The following TRMT11 variants were observed in gnomAD, a reference collection of about 807,000 sequenced individuals.
TRMT11 encodes tRNA (guanine(10)-N(2))-methyltransferase TRMT11.
A neutral mutation model predicts 62.8 loss-of-function variants in TRMT11; 53 were observed. The observed-to-expected ratio is 0.84, with a 90% CI of 0.68 to 1.06. TRMT11 has a LOEUF of 1.06. TRMT11 is among the 50% of genes least tolerant of loss of function. The pLI, the probability that TRMT11 is intolerant of heterozygous loss-of-function variation, is 0.00. For synonymous variants in TRMT11, 188 were observed against 190.3 expected (o/e 0.99, Z 0.10); for missense variants, 556 against 553.4 (o/e 1.00, Z -0.05).
chr6:126,258,362 C>T, the TRMT11 span: 18 of 370,690 alleles, frequency 4.9e-5, no homozygotes, highest in African/African-American at 2.3e-4. Flanking sequence ...GGGCCATGTA[C>T]GTGCATCAGT....
rs1339659650 is a variant in TRMT11, at chr6:126,012,859, G to A, written c.1007+7G>A. 1.2e-6 allele frequency: 2 copies of A among 1,612,700 alleles called. No homozygotes were observed. Among genetic ancestry groups the A allele is most frequent in the South Asian group, 1.1e-5 (1 of 91,032 alleles). On this transcript the variant is annotated splice_region_variant and intron_variant, in intron 10 of 12. Coordinates refer to ENST00000334379, the MANE Select transcript of TRMT11 (RefSeq NM_001031712.3). ...TAGAAAAATGGGAAAAATGGTAAGT[G>A]AAATTTAAATATGATGTGTTACTAC...
chr6:126,051,085 A>G (rs1776204971), intron 16 of TRMT11, among the ~76,000 whole-genome samples: 1 of 152,176 alleles, frequency 6.6e-6, no homozygotes, highest in African/African-American at 2.4e-5. Flanking sequence ...TGTTTCCTGA[A>G]TTGCCTTTTG....
At chr6:126,228,783 T>C in the TRMT11 span, among the ~76,000 whole-genome samples, 2 of 152,166 alleles carry the variant, frequency 1.3e-5, no homozygotes, top group Non-Finnish European at 2.9e-5. Context: ...AAGCAAACTC[T>C]CAGAGCTCCA....
chr6:126,094,134 C>T (rs964237713), intron 17 of TRMT11, among the ~76,000 whole-genome samples: 1 of 151,968 alleles, frequency 6.6e-6, no homozygotes, highest in Non-Finnish European at 1.5e-5. Flanking sequence ...TTAGACCCAT[C>T]TTATTGCTGT....
chr6:126,008,342 A>G lies in TRMT11; in HGVS notation c.680-50A>G, dbSNP rs375039354. ...TGGATGAAGTTAAATAGGAACAAAC[A>G]GGAGTTTGGGACTTACTGGTTAACA... On this transcript the variant is annotated intron_variant, in intron 7 of 12. Coordinates refer to ENST00000334379, the MANE Select transcript of TRMT11 (RefSeq NM_001031712.3). 2.6e-5 allele frequency: 38 copies of G among 1,459,346 alleles called. No individual in the cohort carries two copies. In the African/African-American group the frequency reaches 4.9e-4, roughly 19 times the overall value. 90.4% of individuals were successfully genotyped at this position (1,459,346 alleles called of 1,614,324 possible).
intron 17 of TRMT11, among the ~76,000 whole-genome samples, chr6:126,097,733 G>A (rs1268021395): frequency 6.6e-6 from 1 of 151,776 alleles, no homozygotes. Flanking sequence ...AGATTTAGTT[G>A]GCTAATGAAG....
chr6:126,068,480 G>A (rs1189464641), intron 17 of TRMT11, among the ~76,000 whole-genome samples: 5 of 152,152 alleles, frequency 3.3e-5, no homozygotes, highest in Non-Finnish European at 5.9e-5. Flanking sequence ...GTGTGAGTTA[G>A]GGATGTCAAC....
intron 17 of TRMT11, among the ~76,000 whole-genome samples, chr6:126,075,985 T>C (rs1334536031): frequency 1.3e-5 from 2 of 152,102 alleles, no homozygotes; most frequent in African/African-American, 4.8e-5. Context: ...GGCTGGGAAA[T>C]GTATTTTATG....
intron 21 of TRMT11, among the ~76,000 whole-genome samples, chr6:126,127,880 T>G (rs1777736932): frequency 6.6e-6 from 1 of 152,030 alleles, no homozygotes; most frequent in South Asian, 2.1e-4. Context: ...AGGGATTGAC[T>G]CATTGACAGG....
intron 12 of TRMT11, among the ~76,000 whole-genome samples, chr6:126,034,384 TATA>T (rs1774785380): frequency 6.6e-6 from 1 of 152,182 alleles, no homozygotes; most frequent in African/African-American, 2.4e-5. Flanking sequence ...GTGTATTTCT[TATA>T]ATGTTTACAA....
chr6:126,129,892 G>C (rs1303350400), intron 21 of TRMT11, among the ~76,000 whole-genome samples: 6 of 151,830 alleles, frequency 4.0e-5, no homozygotes, highest in Admixed American at 1.3e-4. Context: ...CTAATCTTTG[G>C]CTTCTGGCTC....
chr6:126,011,856 T>C (rs1794261100), intron 9 of TRMT11, among the ~76,000 whole-genome samples: 1 of 152,228 alleles, frequency 6.6e-6, no homozygotes, highest in African/African-American at 2.4e-5. Context: ...GTTTTTGTAG[T>C]GCCTGTTTTC....
intron 17 of TRMT11, among the ~76,000 whole-genome samples, chr6:126,104,143 A>T (rs59219934): frequency 0.14 from 20,638 of 152,258 alleles, 3,060 homozygotes; most frequent in African/African-American, 0.37. Context: ...GCTAAACAGC[A>T]GGTTTGGCTT....
In TRMT11 at chr6:126,038,776, G is replaced by C; in HGVS notation, c.1332G>C (p.Glu444Asp). ...ACCAAGGTCATAATTCCTTCCGTGAGAAATATTTTAGTGGGGTAACAAAAA... is the reference window on the plus strand; with the variant it reads ...ACCAAGGTCATAATTCCTTCCGTGACAAATATTTTAGTGGGGTAACAAAAA... ...LPYQGHNSFR[E>D]KYFSGVTKRI... is the part of the protein sequence containing the mutation. The change falls in exon 13 of 13, where the codon GAG (glutamate) becomes GAC (aspartate). Residue 444 changes from glutamate to aspartate, a missense_variant. By Grantham distance (45) the Glu-to-Asp change is conservative. Transcript: ENST00000334379. 2.5e-6 allele frequency: 4 copies of C among 1,606,520 alleles called. No homozygotes were observed. Among genetic ancestry groups the C allele is most frequent in the Non-Finnish European group, 3.4e-6 (4 of 1,176,642 alleles).
intron 21 of TRMT11, among the ~76,000 whole-genome samples, chr6:126,163,237 A>G (rs1338620302): frequency 2.0e-5 from 3 of 152,176 alleles, no homozygotes; most frequent in Admixed American, 6.5e-5. Flanking sequence ...CTTTCCATCA[A>G]TACCTTGTTT....
At chr6:126,002,107 A>G (rs943157333) in intron 7 of TRMT11, among the ~76,000 whole-genome samples, 3 of 152,004 alleles carry the variant, frequency 2.0e-5, no homozygotes, top group African/African-American at 7.2e-5. Flanking sequence ...TCATTTTTCC[A>G]AGGAATTTTT....
chr6:126,271,363 CAAAAAA>C, the TRMT11 span, among the ~76,000 whole-genome samples: 7 of 36,266 alleles, frequency 1.9e-4, no homozygotes, highest in Non-Finnish European at 3.0e-4. Context: ...GACTCCATCT[CAAAAAA>C]AAAAAAAAAA....
chr6:126,239,004 T>G, the TRMT11 span, among the ~76,000 whole-genome samples: 1 of 152,208 alleles, frequency 6.6e-6, no homozygotes. Context: ...TGGTTTAAAG[T>G]CTGTTTTATT....
At chr6:126,058,665 A>C (rs1776439726) in intron 17 of TRMT11, among the ~76,000 whole-genome samples, 1 of 152,216 alleles carries the variant, frequency 6.6e-6, no homozygotes, top group South Asian at 2.1e-4. Context: ...TAACAAAATA[A>C]ATAGACCGCT....
Sources: gnomAD v4.1 joint callset for allele counts (sites outside exome capture counted in the v4.1 genomes callset) on GRCh38, gnomAD v4.1.1 for gene constraint, MANE v1.5 for transcripts, NCBI Gene and HGNC (gene_info 2026-07-23, HGNC 2026-07-21) for gene names.